UBAP1: variants seen among roughly 807,000 people sequenced by gnomAD.
The protein encoded by UBAP1 is ubiquitin associated protein 1, also known as ubiquitin-associated protein 1.
Under a neutral mutation model 39.0 loss-of-function variants are expected in UBAP1, and 5 were observed. The ratio of observed to expected loss-of-function variants is 0.13; its 90% CI spans 0.07 to 0.27. The LOEUF (loss-of-function observed/expected upper bound fraction) is 0.27. UBAP1 is among the 10% of genes least tolerant of loss of function. The probability of loss-of-function intolerance (pLI) is 1.00; values close to 1 mark genes in which losing one functional copy is unlikely to be tolerated. For synonymous variants in UBAP1, 211 were observed against 225.1 expected (o/e 0.94, Z 0.56); for missense variants, 490 against 608.1 (o/e 0.81, Z 2.04).
intron 2 of UBAP1, chr9:34,224,205 T>C: frequency 1.9e-6 from 1 of 533,636 alleles, no homozygotes. Flanking sequence ...TTGTTTAAAA[T>C]CTCTTCTTCC....
At chr9:34,218,910 G>C (rs2131574475) in intron 1 of UBAP1, among the ~76,000 whole-genome samples, 1 of 152,152 alleles carries the variant, frequency 6.6e-6, no homozygotes, top group South Asian at 2.1e-4. Context: ...TCCAGCCTGG[G>C]TGACAGCAAG....
At chr9:34,193,275 C>T (rs750183938) in intron 1 of UBAP1, among the ~76,000 whole-genome samples, 13 of 152,018 alleles carry the variant, frequency 8.6e-5, no homozygotes, top group Non-Finnish European at 1.3e-4. Context: ...CACGCCACTG[C>T]GCTCCCGCCT....
intron 1 of UBAP1, among the ~76,000 whole-genome samples, chr9:34,194,150 C>T (rs1280671220): frequency 1.3e-5 from 2 of 152,134 alleles, no homozygotes; most frequent in African/African-American, 4.8e-5. Context: ...TCTAAAGTCA[C>T]TTCAAATAAT....
At chr9:34,238,335 A>T (rs184529773) in intron 3 of UBAP1, among the ~76,000 whole-genome samples, 1 of 152,356 alleles carries the variant, frequency 6.6e-6, no homozygotes, top group Non-Finnish European at 1.5e-5. Context: ...ATCTGTAAAC[A>T]GATTTTTGTG....
chr9:34,250,469 T>C (rs1387194732), intron 5 of UBAP1, among the ~76,000 whole-genome samples, 189 bp from the exon 6 acceptor site: 1 of 152,206 alleles, frequency 6.6e-6, no homozygotes, highest in Non-Finnish European at 1.5e-5. Context: ...AGGCTGTGCC[T>C]GTGTTCATTA....
intron 6 of UBAP1, 85 bp downstream of exon 6, chr9:34,250,844 A>C (rs1247721879): frequency 8.5e-7 from 1 of 1,174,236 alleles, no homozygotes; most frequent in Non-Finnish European, 1.3e-6. Flanking sequence ...GCCCACACAC[A>C]ACCTTTTTGC....
intron 4 of UBAP1, among the ~76,000 whole-genome samples, chr9:34,242,634 C>T (rs983693157): frequency 6.6e-6 from 1 of 152,180 alleles, no homozygotes; most frequent in South Asian, 2.1e-4. Context: ...ACGCAATTCT[C>T]CTGCCTCAGC....
At chr9:34,203,354 G>A (rs1324258250) in intron 1 of UBAP1, among the ~76,000 whole-genome samples, 1 of 152,096 alleles carries the variant, frequency 6.6e-6, no homozygotes, top group Admixed American at 6.6e-5. Context: ...TTTCATTTCT[G>A]GTTCTTTTTT....
At chr9:34,240,530 T>G (rs1195860546) in intron 3 of UBAP1, among the ~76,000 whole-genome samples, 3 of 152,186 alleles carry the variant, frequency 2.0e-5, no homozygotes, top group Non-Finnish European at 4.4e-5. Context: ...GCAAAATAAA[T>G]TTTTGTAAAT....
At chr9:34,211,947 C>A in intron 1 of UBAP1, 1 of 385,418 alleles carries the variant, frequency 2.6e-6, no homozygotes, top group Admixed American at 3.1e-5. Flanking sequence ...AATAGAATAT[C>A]ACTGATAAGT....
intron 1 of UBAP1, among the ~76,000 whole-genome samples, chr9:34,182,464 C>T (rs759761066): frequency 3.3e-5 from 5 of 151,742 alleles, no homozygotes; most frequent in African/African-American, 1.2e-4. Flanking sequence ...GGATTACAGA[C>T]GTGAGCCATG....
Position 34,234,356 on chromosome 9 carries a change from T to C in UBAP1, c.159+16T>C. The C allele has an allele frequency of 6.3e-7, 1 of 1,577,846 alleles. No homozygotes were observed. Among genetic ancestry groups the C allele is most frequent in the Non-Finnish European group, 8.6e-7 (1 of 1,168,946 alleles). ...AGAAGTACAGGTAAGTGGTAATTTT[T>C]AGTTAAAGTTTAGTGCATTTAAAAG... is the stretch of plus-strand genomic sequence containing the variant. On this transcript the variant is annotated intron_variant, in intron 3 of 6. Coordinates refer to ENST00000297661, the MANE Select transcript of UBAP1 (RefSeq NM_016525.5).
chr9:34,236,207 T>C (rs1236510769), intron 3 of UBAP1, among the ~76,000 whole-genome samples: 1 of 152,160 alleles, frequency 6.6e-6, no homozygotes, highest in Non-Finnish European at 1.5e-5. Context: ...TTTCTATGTT[T>C]AGATAGGTTT....
intron 1 of UBAP1, among the ~76,000 whole-genome samples, chr9:34,217,988 C>T (rs1587838427): frequency 2.0e-5 from 3 of 150,316 alleles, no homozygotes; most frequent in South Asian, 2.1e-4. Context: ...TGCAGTAGCT[C>T]GCGTCTGTGA....
At chr9:34,217,897 A>C (rs1024572965) in intron 1 of UBAP1, among the ~76,000 whole-genome samples, 5 of 139,058 alleles carry the variant, frequency 3.6e-5, no homozygotes, top group African/African-American at 1.3e-4. Context: ...TCCCAGCCTC[A>C]AGTGATTCTC....
rs74180553 is a variant in UBAP1, at chr9:34,226,105, TTGTGTGTGTGTGTGTGTGTG to T, written c.34+5190_34+5209del. Among the ~76,000 whole-genome samples, 493 of 88,288 alleles carry T rather than the reference TTGTGTGTGTGTGTGTGTGTG, an allele frequency of 5.6e-3. 1 individual carries two copies. Among genetic ancestry groups the T allele is most frequent in the Non-Finnish European group, 7.9e-3 (333 of 42,250 alleles). The allele number at this position is 88,288 out of a possible 152,430, so 57.9% of individuals were successfully genotyped here. A position where few individuals can be genotyped will look rare whatever the true frequency, so the allele number is the denominator to read the frequency against. The stretch of plus-strand genomic sequence containing the variant: ...CCTTCTAAAGTTTCCTCCTACTCTA[TTGTGTGTGTGTGTGTGTGTG>T]TGTGTGTGTGTGTGTGTGTGTGTGT... On this transcript the variant is annotated intron_variant, in intron 2 of 6. Transcript: ENST00000297661.
At chr9:34,187,549 A>G (rs1050619243) in intron 1 of UBAP1, among the ~76,000 whole-genome samples, 21 of 152,198 alleles carry the variant, frequency 1.4e-4, no homozygotes, top group African/African-American at 4.8e-4. Context: ...GGACAGTATT[A>G]TATACAATTG....
At chr9:34,250,026 G>T in intron 5 of UBAP1, 65 bp downstream of exon 5, 1 of 1,547,000 alleles carries the variant, frequency 6.5e-7, no homozygotes, top group Non-Finnish European at 8.8e-7. Flanking sequence ...GTCCTCCCCT[G>T]TCCTAGAGCC....
chr9:34,207,386 T>C (rs1298635544), intron 1 of UBAP1, among the ~76,000 whole-genome samples: 1 of 148,936 alleles, frequency 6.7e-6, no homozygotes, highest in African/African-American at 2.5e-5. Flanking sequence ...AATCAGCTTG[T>C]CTAATTAAAA....
Sources: allele counts gnomAD v4.1 joint callset (sites outside exome capture counted in the v4.1 genomes callset), GRCh38; gene constraint gnomAD v4.1.1; transcripts MANE v1.5; gene names NCBI Gene and HGNC (gene_info 2026-07-23, HGNC 2026-07-21).